Variants in ZFAT observed in about 807,000 individuals in gnomAD.
ZFAT encodes zinc finger and AT-hook domain containing, also known as zinc finger protein ZFAT.
In ZFAT, 64 loss-of-function variants were observed where a neutral mutation model predicts 117.7. The observed-to-expected ratio is 0.54, with a 90% confidence interval of 0.44 to 0.67. The LOEUF is 0.67. Ranked by LOEUF, ZFAT falls within the 30% of genes least tolerant of loss-of-function variation. ZFAT has a pLI of 0.00. For missense variants in ZFAT, 1,433 were observed against 1,584.5 expected, an observed-to-expected ratio of 0.90 and a Z score of 1.62; for synonymous variants, 679 against 615.0, an observed-to-expected ratio of 1.10 and a Z score of -1.54.
the ZFAT span, among the ~76,000 whole-genome samples, chr8:134,813,670 C>T: frequency 5.9e-5 from 9 of 152,164 alleles, no homozygotes; most frequent in East Asian, 5.8e-4. Flanking sequence ...CTGCCTCAGC[C>T]GCCTCCCAAA....
chr8:134,584,149 C>A, intron 9 of ZFAT, 144 bp from the exon 10 acceptor site: 1 of 943,726 alleles, frequency 1.1e-6, no homozygotes, highest in South Asian at 2.0e-5. Context: ...CAGCAGTATA[C>A]TTGCTTGGCC....
intron 1 of ZFAT, among the ~76,000 whole-genome samples, chr8:134,700,787 G>A (rs1015227993): frequency 4.6e-5 from 7 of 152,138 alleles, no homozygotes; most frequent in Non-Finnish European, 1.0e-4. Context: ...AGCCCAGGCA[G>A]AAGTGACTGG....
At chr8:134,489,723 C>T (rs1237419998) in intron 15 of ZFAT, among the ~76,000 whole-genome samples, 1 of 152,202 alleles carries the variant, frequency 6.6e-6, no homozygotes, top group Non-Finnish European at 1.5e-5. Context: ...AGGCTGACAA[C>T]TCCCAAATGT....
At chr8:134,584,271 C>A (rs573563634) in intron 9 of ZFAT, among the ~76,000 whole-genome samples, 11 of 152,116 alleles carry the variant, frequency 7.2e-5, no homozygotes, top group Non-Finnish European at 1.6e-4. Flanking sequence ...CTTTCTCTGA[C>A]CTTCCCTGGT....
intron 9 of ZFAT, among the ~76,000 whole-genome samples, chr8:134,587,068 C>G (rs28454149): frequency 0.033 from 4,982 of 152,264 alleles, 140 homozygotes; most frequent in African/African-American, 0.081. Flanking sequence ...CTTTGGTGTC[C>G]ACATGCATCA....
chr8:134,816,851 C>T, the ZFAT span, among the ~76,000 whole-genome samples: 2 of 151,864 alleles, frequency 1.3e-5, no homozygotes. Context: ...CATGGTGGTG[C>T]ATGCCTATAA....
At position 134,673,793 on chromosome 8, in the gene ZFAT, G is replaced by A. The variant is rs145243213; in HGVS notation, c.20-16056C>T. 8.0e-3 allele frequency among the ~76,000 whole-genome samples: 1,211 copies of A among 152,310 alleles called. 11 individuals carry two copies. Among genetic ancestry groups the A allele is most frequent in the Middle Eastern group, 0.02 (6 of 294 alleles). ...TTCCCATGTATTTTAGAAGCCTAAA[G>A]TCAGTGACAGGAAACCCAACATCAA... On this transcript the variant is annotated intron_variant, in intron 1 of 15. Coordinates refer to ENST00000377838, the MANE Select transcript of ZFAT (RefSeq NM_020863.4).
At chr8:134,819,029 C>G in the ZFAT span, among the ~76,000 whole-genome samples, 1 of 152,090 alleles carries the variant, frequency 6.6e-6, no homozygotes, top group South Asian at 2.1e-4. Flanking sequence ...ACAAACTGCA[C>G]ATTGTAATAT....
At position 134,577,720 on chromosome 8, in the gene ZFAT, A is replaced by C. The variant is rs144077335; in HGVS notation, c.2887+6112T>G. On this transcript the variant is annotated intron_variant, in intron 10 of 15. Transcript: ENST00000377838. ...TGTGAAGCTTACAATCTAGTGGAAG[A>C]CACAAAACATCATAAATAAGGAAAT... is the stretch of plus-strand genomic sequence containing the variant. 2.3e-3 allele frequency among the ~76,000 whole-genome samples: 355 copies of C among 152,338 alleles called. 2 individuals are homozygous for C. Among genetic ancestry groups the C allele is most frequent in the Middle Eastern group, 0.014 (4 of 294 alleles).
In ZFAT at chr8:134,588,463, C is replaced by T. The variant is rs577099643; in HGVS notation, c.2564-68G>A. 6.1e-6 allele frequency: 9 copies of T among 1,466,062 alleles called. No homozygotes were observed. The African/African-American group carries it at 8.6e-5, about 14-fold the overall frequency. 90.8% of individuals were successfully genotyped at this position (1,466,062 alleles called of 1,614,324 possible). On this transcript the variant is annotated intron_variant, in intron 8 of 15. Coordinates refer to ENST00000377838, the MANE Select transcript of ZFAT (RefSeq NM_020863.4). ...GGGGAAGTTAGACATAAATAAACCT[C>T]ATTGCTAAGCAGCACCCACAGGAGG...
chr8:134,647,431 C>A (rs1015942034), intron 2 of ZFAT, among the ~76,000 whole-genome samples: 1 of 152,144 alleles, frequency 6.6e-6, no homozygotes, highest in Non-Finnish European at 1.5e-5. Flanking sequence ...TAATAATCAA[C>A]GTGAAAAGCT....
the ZFAT span, among the ~76,000 whole-genome samples, chr8:134,748,389 A>G: frequency 6.6e-6 from 1 of 152,180 alleles, no homozygotes; most frequent in Non-Finnish European, 1.5e-5. Context: ...TTATTCTTTG[A>G]AACTTAATTT....
intron 3 of ZFAT, among the ~76,000 whole-genome samples, chr8:134,632,000 C>T (rs1829922390): frequency 6.6e-6 from 1 of 152,170 alleles, no homozygotes; most frequent in African/African-American, 2.4e-5. Flanking sequence ...ATTTTATCTA[C>T]TGAATTATAT....
the ZFAT span, among the ~76,000 whole-genome samples, chr8:134,823,178 G>C: frequency 2.0e-5 from 3 of 152,086 alleles, no homozygotes; most frequent in African/African-American, 7.2e-5. Flanking sequence ...CATCCAACGG[G>C]AACAGCCTAC....
rs569181290 is a variant in ZFAT, at chr8:134,689,715, TACTAGGC to T, written c.19+23123_19+23129del. On this transcript the variant is annotated intron_variant, in intron 1 of 15. Coordinates refer to ENST00000377838, the MANE Select transcript of ZFAT (RefSeq NM_020863.4). ...CAACAGCTACTTTTTTCTTAAAAGG[TACTAGGC>T]ACTATTCCTGGAGATGGCCCCCACC... 2.8e-3 allele frequency among the ~76,000 whole-genome samples: 427 copies of T among 152,296 alleles called. 2 individuals carry two copies. The highest frequency in any genetic ancestry group is 9.8e-3 in the African/African-American group (408 of 41,534).
chr8:134,671,033 C>T, intron 1 of ZFAT, among the ~76,000 whole-genome samples: 1 of 152,150 alleles, frequency 6.6e-6, no homozygotes, highest in Admixed American at 6.5e-5. Flanking sequence ...GACACATACA[C>T]CCTCCCAAGA....
chr8:134,532,121 G>A (rs1821465336), intron 12 of ZFAT, among the ~76,000 whole-genome samples: 1 of 152,136 alleles, frequency 6.6e-6, no homozygotes, highest in Admixed American at 6.5e-5. Flanking sequence ...GTGGGAATGT[G>A]ATTATTTATT....
At chr8:134,803,818 T>C in the ZFAT span, among the ~76,000 whole-genome samples, 3 of 152,206 alleles carry the variant, frequency 2.0e-5, no homozygotes, top group Non-Finnish European at 4.4e-5. Context: ...AGATTTAATG[T>C]CTCTGACCTC....
chr8:134,631,554 C>T (rs1205883961), intron 3 of ZFAT, among the ~76,000 whole-genome samples: 1 of 152,182 alleles, frequency 6.6e-6, no homozygotes, highest in Non-Finnish European at 1.5e-5. Context: ...TTTAAGCCAA[C>T]CACAAAAGGT....
Sources: allele counts gnomAD v4.1 joint callset (sites outside exome capture counted in the v4.1 genomes callset), GRCh38; gene constraint gnomAD v4.1.1; transcripts MANE v1.5; gene names NCBI Gene and HGNC (gene_info 2026-07-23, HGNC 2026-07-21).